The following FBXO45 variants were observed in gnomAD, a reference collection of about 807,000 sequenced individuals.
The protein encoded by FBXO45 is F-box/SPRY domain-containing protein 1.
Under a neutral mutation model 25.5 loss-of-function variants are expected in FBXO45, and 3 were observed. The observed-to-expected ratio is 0.12, with a 90% CI of 0.05 to 0.30. The LOEUF (loss-of-function observed/expected upper bound fraction) is 0.30. FBXO45 is among the 10% of genes least tolerant of loss of function. The pLI is 1.00. For missense variants in FBXO45, 219 were observed against 365.0 expected (o/e 0.60, Z 3.26); for synonymous variants, 155 against 149.8 (o/e 1.03, Z -0.25).
At chr3:196,578,503 C>T (rs1008972608) in intron 2 of FBXO45, among the ~76,000 whole-genome samples, 4 of 147,622 alleles carry the variant, frequency 2.7e-5, no homozygotes, top group East Asian at 2.4e-4. Flanking sequence ...CATATGGTCT[C>T]TGTCACAACT....
At position 196,584,033 on chromosome 3, in the gene FBXO45, G is replaced by T; in HGVS notation, c.676-100G>T. 8.9e-7 allele frequency: 1 copy of T among 1,129,714 alleles called. No individual in the cohort carries two copies. Among genetic ancestry groups the T allele is most frequent in the Non-Finnish European group, 1.3e-6 (1 of 783,576 alleles). 70.0% of individuals were successfully genotyped at this position (1,129,714 alleles called of 1,614,324 possible). On this transcript the variant is annotated intron_variant, in intron 2 of 2. Transcript: ENST00000311630. The surrounding 1 kb of genome is among the most constrained non-coding windows in gnomAD (Gnocchi z 4.3). Reference sequence around the variant, plus strand: ...TCTGATTTTTCTAGATAGCTTTCAGGATAATATTCTTAATATTTTCAACTT... The same window carrying T: ...TCTGATTTTTCTAGATAGCTTTCAGTATAATATTCTTAATATTTTCAACTT...
intron 1 of FBXO45, among the ~76,000 whole-genome samples, chr3:196,571,465 A>G (rs573745695): frequency 6.6e-6 from 1 of 151,944 alleles, no homozygotes; most frequent in African/African-American, 2.4e-5. Context: ...GACTCAAGCG[A>G]TCTTCTTGCC....
chr3:196,581,223 CTTTTTTT>C (rs33962634), intron 2 of FBXO45, among the ~76,000 whole-genome samples: 32 of 63,672 alleles, frequency 5.0e-4, no homozygotes, highest in Non-Finnish European at 6.1e-4. Flanking sequence ...TTTCTTTTTC[CTTTTTTT>C]TTTTTTTTTT....
At chr3:196,582,434 A>G (rs7611228) in intron 2 of FBXO45, among the ~76,000 whole-genome samples, 4,106 of 152,254 alleles carry the variant, frequency 0.027, 153 homozygotes, top group African/African-American at 0.083. Flanking sequence ...AGGTGGGCAA[A>G]GGGAGGAAAA....
rs140139122 is a variant in FBXO45 at position 196,584,437 on chromosome 3, G to A, written c.*119G>A. 90 of 854,764 alleles carry A rather than the reference G, an allele frequency of 1.1e-4. No homozygotes were observed. The African/African-American group carries it at 1.3e-3, about 12-fold the overall frequency. 52.9% of individuals were successfully genotyped at this position (854,764 alleles called of 1,614,324 possible). ...AAACATCCTGAAAACACATGAAGTC[G>A]TAAACTGGAGAAGCAGCTCTACAGC... On this transcript the variant is annotated 3_prime_UTR_variant, in exon 3 of 3. Transcript: ENST00000311630. This position sits in a 1 kb window ranked among gnomAD's most constrained non-coding sequence, Gnocchi z 4.3.
intron 2 of FBXO45, among the ~76,000 whole-genome samples, chr3:196,582,579 C>A (rs1736031521): frequency 6.6e-6 from 1 of 150,840 alleles, no homozygotes; most frequent in Admixed American, 6.6e-5. Context: ...TTTGTAGATG[C>A]AACATCTTTT....
At position 196,568,829 on chromosome 3, in the gene FBXO45, C is replaced by T. The variant is rs188115311; in HGVS notation, c.-156C>T. ...TGAGGCGGGGCGCGCGGCGGACGCC[C>T]CCGGGCAGGGGCGGGAGTGGTGGAG... is the stretch of plus-strand genomic sequence containing the variant. On this transcript the variant is annotated 5_prime_UTR_variant, in exon 1 of 3. Coordinates refer to ENST00000311630, the MANE Select transcript of FBXO45 (RefSeq NM_001105573.2). The T allele has an allele frequency of 2.8e-3, 1,122 of 399,908 alleles. 12 individuals carry two copies. The highest frequency in any genetic ancestry group is 0.023 in the African/African-American group (1,078 of 46,110). The allele number at this position is 399,908 out of a possible 1,614,324, so 24.8% of individuals were successfully genotyped here.
chr3:196,583,634 A>C (rs1001798619), intron 2 of FBXO45, among the ~76,000 whole-genome samples: 7 of 152,214 alleles, frequency 4.6e-5, no homozygotes, highest in African/African-American at 1.7e-4. Context: ...AAAACCTTTA[A>C]ACAAAGAGTA....
Position 196,577,409 on chromosome 3 carries a change from AAAAT to A in FBXO45, c.319-40_319-37del, listed in dbSNP as rs1208514695. ...TTTGGGTAATTTTTAATATTTAAGA[AAAAT>A]AAAATTGTTATTTATTTGGTCTGTT... On this transcript the variant is annotated intron_variant, in intron 1 of 2. Transcript: ENST00000311630. 2.9e-6 allele frequency: 4 copies of A among 1,371,664 alleles called. No individual in the cohort carries two copies. In the African/African-American group the frequency reaches 5.9e-5, roughly 20 times the overall value. 85.0% of individuals were successfully genotyped at this position (1,371,664 alleles called of 1,614,324 possible). A position where few individuals can be genotyped will look rare whatever the true frequency, so the allele number is the denominator to read the frequency against.
chr3:196,573,537 G>A (rs1300858160), intron 1 of FBXO45, among the ~76,000 whole-genome samples: 1 of 152,268 alleles, frequency 6.6e-6, no homozygotes, highest in African/African-American at 2.4e-5. Context: ...CAGGTACATC[G>A]AGGAGAGAAG....
intron 2 of FBXO45, among the ~76,000 whole-genome samples, chr3:196,579,398 C>T (rs780208534): frequency 1.3e-5 from 2 of 152,086 alleles, no homozygotes; most frequent in Non-Finnish European, 2.9e-5. Flanking sequence ...TTAGGCTCTG[C>T]GGATACTATA....
At position 196,578,539 on chromosome 3, in the gene FBXO45, G is replaced by C. The variant is rs1019471260; in HGVS notation, c.675+730G>C. Reference sequence around the variant, plus strand: ...TTTTTTTTTTAATGTCATTTTCAAGGTAAGGATCTATCACGAGTTTCAACT... The same window carrying C: ...TTTTTTTTTTAATGTCATTTTCAAGCTAAGGATCTATCACGAGTTTCAACT... On this transcript the variant is annotated intron_variant, in intron 2 of 2. Coordinates refer to ENST00000311630, the MANE Select transcript of FBXO45 (RefSeq NM_001105573.2). 3.3e-5 allele frequency among the ~76,000 whole-genome samples: 5 copies of C among 151,598 alleles called. No individual in the cohort carries two copies. The East Asian group carries it at 9.7e-4, about 29-fold the overall frequency.
chr3:196,571,032 G>A (rs1370238077), intron 1 of FBXO45, among the ~76,000 whole-genome samples: 1 of 151,970 alleles, frequency 6.6e-6, no homozygotes, highest in African/African-American at 2.4e-5. Flanking sequence ...TCTATTAAGC[G>A]AAATAACAAT....
At chr3:196,570,400 G>C (rs1016812928) in intron 1 of FBXO45, among the ~76,000 whole-genome samples, 8 of 151,912 alleles carry the variant, frequency 5.3e-5, no homozygotes, top group African/African-American at 1.9e-4. Context: ...ACCATGCCCG[G>C]CTAATTTTGT....
In FBXO45 at chr3:196,586,575, TA is replaced by T. The variant is rs1736114677; in HGVS notation, c.*2260del. The T allele has an allele frequency of 6.6e-6, 1 of 152,180 alleles. No individual in the cohort carries two copies. The allele number at this position is 152,180 out of a possible 1,614,324, so 9.4% of individuals were successfully genotyped here. On this transcript the variant is annotated 3_prime_UTR_variant, in exon 3 of 3. Coordinates refer to ENST00000311630, the MANE Select transcript of FBXO45 (RefSeq NM_001105573.2). ...ACCCAGTAGTAGCTCTACAAAATCT[TA>T]AACTGCTGCAGTGCTCAAGGAGATG... is the stretch of plus-strand genomic sequence containing the variant.
intron 1 of FBXO45, among the ~76,000 whole-genome samples, chr3:196,571,265 C>T (rs1026352421): frequency 2.6e-5 from 4 of 152,152 alleles, no homozygotes; most frequent in Non-Finnish European, 5.9e-5. Flanking sequence ...AAAACTCTGT[C>T]GCCCAGGCTG....
At chr3:196,579,297 T>C (rs1245847412) in intron 2 of FBXO45, among the ~76,000 whole-genome samples, 1 of 152,218 alleles carries the variant, frequency 6.6e-6, no homozygotes, top group East Asian at 1.9e-4. Flanking sequence ...AAGTCAGGCA[T>C]ACTAAAGCAG....
At chr3:196,577,165 A>G (rs918546821) in intron 1 of FBXO45, among the ~76,000 whole-genome samples, 1 of 152,206 alleles carries the variant, frequency 6.6e-6, no homozygotes, top group East Asian at 1.9e-4. Flanking sequence ...TCTGTAAGAT[A>G]TAAGGATTTT....
chr3:196,568,920 C>T lies in FBXO45; in HGVS notation c.-65C>T. 1.0e-6 allele frequency: 1 copy of T among 982,366 alleles called. No individual in the cohort carries two copies. The highest frequency in any genetic ancestry group is 1.1e-4 in the East Asian group (1 of 9,136). The allele number at this position is 982,366 out of a possible 1,614,324, so 60.9% of individuals were successfully genotyped here. ...CTCCGGTCTCCGGGCGAGGCTTGGC[C>T]TTCCGAGCAGAGACGGCGGGAAGCG... On this transcript the variant is annotated 5_prime_UTR_variant, in exon 1 of 3. Transcript: ENST00000311630.
Sources: allele counts gnomAD v4.1 joint callset (sites outside exome capture counted in the v4.1 genomes callset), GRCh38; gene constraint gnomAD v4.1.1; non-coding constraint Gnocchi (gnomAD v3.1); transcripts MANE v1.5; gene names NCBI Gene and HGNC (gene_info 2026-07-23, HGNC 2026-07-21).